Variants in TTC6 observed in about 807,000 individuals in gnomAD.
TTC6 encodes tetratricopeptide repeat protein 6.
A neutral mutation model predicts 210.4 loss-of-function variants in TTC6; 172 were observed. That is an observed-to-expected ratio of 0.82 (90% confidence interval 0.72 to 0.93). The LOEUF (loss-of-function observed/expected upper bound fraction) is 0.93. TTC6 is among the 40% of genes least tolerant of loss of function. The pLI, the probability that TTC6 is intolerant of heterozygous loss-of-function variation, is 0.00. For missense variants in TTC6, 2,414 were observed against 2,318.1 expected (o/e 1.04, Z -0.85); for synonymous variants, 804 against 819.6 (o/e 0.98, Z 0.32).
intron 20 of TTC6, among the ~76,000 whole-genome samples, chr14:37,802,940 C>T (rs1354952559): frequency 6.6e-6 from 1 of 151,992 alleles, no homozygotes; most frequent in East Asian, 1.9e-4. Context: ...ACCATGTTGG[C>T]CAGGCTGGTC....
intron 17 of TTC6, among the ~76,000 whole-genome samples, chr14:37,793,052 C>T (rs2096084171): frequency 6.6e-6 from 1 of 152,122 alleles, no homozygotes; most frequent in African/African-American, 2.4e-5. Context: ...CTCTACCCTT[C>T]AAAGTAGACA....
At chr14:37,596,264 G>A (rs2095604302) in intron 1 of TTC6, among the ~76,000 whole-genome samples, 1 of 152,260 alleles carries the variant, frequency 6.6e-6, no homozygotes, top group African/African-American at 2.4e-5. Flanking sequence ...AAGGTCAGGG[G>A]GAGGGGACAT....
intron 26 of TTC6, among the ~76,000 whole-genome samples, chr14:37,820,346 G>A (rs1434074948): frequency 6.6e-6 from 1 of 152,138 alleles, no homozygotes; most frequent in Non-Finnish European, 1.5e-5. Flanking sequence ...AACATTTACT[G>A]GGTCTGAACA....
At chr14:37,675,203 A>G (rs1166776709) in intron 1 of TTC6, among the ~76,000 whole-genome samples, 1 of 152,062 alleles carries the variant, frequency 6.6e-6, no homozygotes, top group Non-Finnish European at 1.5e-5. Flanking sequence ...AGGATACACT[A>G]TACATGTTAA....
chr14:37,721,885 T>C (rs12891226), intron 6 of TTC6, among the ~76,000 whole-genome samples: 2 of 143,610 alleles, frequency 1.4e-5, no homozygotes, highest in South Asian at 2.2e-4. Context: ...TATGTATATA[T>C]ACACACACAC....
chr14:37,738,423 A>AT (rs2095907927), intron 9 of TTC6, among the ~76,000 whole-genome samples: 1 of 85,668 alleles, frequency 1.2e-5, no homozygotes, highest in East Asian at 1.0e-3. Context: ...CCCTTCTACC[A>AT]GTTTTTTTGC....
At chr14:37,770,839 T>A (rs2096015891) in intron 14 of TTC6, among the ~76,000 whole-genome samples, 1 of 150,740 alleles carries the variant, frequency 6.6e-6, no homozygotes, top group Admixed American at 6.6e-5. Context: ...AATTTGATCC[T>A]GTCATTATGA....
chr14:37,601,185 C>T (rs985100023), intron 1 of TTC6, among the ~76,000 whole-genome samples: 3 of 152,226 alleles, frequency 2.0e-5, no homozygotes, highest in East Asian at 1.9e-4. Flanking sequence ...AACTTTGCAG[C>T]CTTTCACAAA....
At chr14:37,642,023 T>C (rs1258544333) in intron 1 of TTC6, among the ~76,000 whole-genome samples, 1 of 152,228 alleles carries the variant, frequency 6.6e-6, no homozygotes, top group Non-Finnish European at 1.5e-5. Context: ...CACTTTGCTT[T>C]CTCTGTTTTA....
chr14:37,732,074 C>G (rs2095887673), intron 7 of TTC6, among the ~76,000 whole-genome samples: 1 of 151,270 alleles, frequency 6.6e-6, no homozygotes, highest in East Asian at 1.9e-4. Context: ...TTCAACTTTC[C>G]AAAAACTTAA....
intron 2 of TTC6, among the ~76,000 whole-genome samples, chr14:37,611,847 G>A (rs865993360): frequency 6.6e-6 from 1 of 152,078 alleles, no homozygotes; most frequent in African/African-American, 2.4e-5. Flanking sequence ...TCAGAATAGA[G>A]ACCAGTTTCC....
At chr14:37,673,241 G>T (rs1272978218) in intron 1 of TTC6, among the ~76,000 whole-genome samples, 1 of 152,106 alleles carries the variant, frequency 6.6e-6, no homozygotes, top group East Asian at 1.9e-4. Flanking sequence ...CTGTAAGGAG[G>T]ATTCCACAGG....
chr14:37,651,439 T>G, intron 1 of TTC6, among the ~76,000 whole-genome samples: 1 of 94,458 alleles, frequency 1.1e-5, no homozygotes, highest in African/African-American at 4.9e-5. Context: ...TTTTTTTTTT[T>G]TTTTTTTTTT....
Position 37,771,060 on chromosome 14 carries a change from T to C in TTC6, c.3267-16408T>C, listed in dbSNP as rs552797345. ...AAGTATTTTATTTCTCCTTCACTTA[T>C]GAAGCTTAGTTTGGCTGGATATGAA... On this transcript the variant is annotated intron_variant, in intron 14 of 30. Coordinates refer to ENST00000553443, the Ensembl canonical transcript of TTC6. 1.3e-3 allele frequency among the ~76,000 whole-genome samples: 196 copies of C among 145,568 alleles called. 1 individual carries two copies. The highest frequency in any genetic ancestry group is 6.8e-3 in the Middle Eastern group (2 of 292).
At chr14:37,778,861 G>A (rs1317364944) in intron 14 of TTC6, among the ~76,000 whole-genome samples, 1 of 152,118 alleles carries the variant, frequency 6.6e-6, no homozygotes, top group Middle Eastern at 3.2e-3. Context: ...TCATCTCCAG[G>A]GCAAGGTTGC....
chr14:37,785,520 A>C (rs1323310096), intron 14 of TTC6, among the ~76,000 whole-genome samples: 5 of 152,102 alleles, frequency 3.3e-5, no homozygotes, highest in African/African-American at 1.2e-4. Flanking sequence ...CCATTCGTGT[A>C]ATCTTTTCTC....
intron 1 of TTC6, among the ~76,000 whole-genome samples, chr14:37,652,307 C>T (rs150143687): frequency 1.6e-3 from 244 of 152,124 alleles, no homozygotes; most frequent in East Asian, 2.3e-3. Context: ...GGTGAACACC[C>T]GATCAGAGAA....
In TTC6 at chr14:37,796,175, C is replaced by T. The variant is rs1270200003; in HGVS notation, c.3792-119C>T. ...TGTCTATAATTTTCACTTTTTTATG[C>T]ATACATAAGTAAATAAGAATGAATA... On this transcript the variant is annotated intron_variant, in intron 18 of 30. Coordinates refer to ENST00000553443, the Ensembl canonical transcript of TTC6. The T allele has an allele frequency of 1.9e-5, 8 of 427,526 alleles. No individual in the cohort carries two copies. The South Asian group carries it at 2.6e-4, about 14-fold the overall frequency. The allele number at this position is 427,526 out of a possible 1,614,324, so 26.5% of individuals were successfully genotyped here.
intron 1 of TTC6, among the ~76,000 whole-genome samples, chr14:37,663,853 C>G (rs1279123642): frequency 1.3e-5 from 2 of 152,058 alleles, no homozygotes; most frequent in Admixed American, 6.6e-5. Flanking sequence ...TTCTTGTACA[C>G]CAACAACAGG....
Sources: allele counts gnomAD v4.1 joint callset (sites outside exome capture counted in the v4.1 genomes callset), GRCh38; gene constraint gnomAD v4.1.1; transcripts MANE v1.5; gene names NCBI Gene and HGNC (gene_info 2026-07-23, HGNC 2026-07-21).